SLC26A11: variants seen among roughly 807,000 people sequenced by gnomAD.
SLC26A11 encodes the protein sodium-independent sulfate anion transporter.
A neutral mutation model predicts 62.2 loss-of-function variants in SLC26A11; 58 were observed. That is an observed-to-expected ratio of 0.93 (90% confidence interval 0.76 to 1.16). SLC26A11 has a LOEUF of 1.16. Among genes scored for constraint, SLC26A11 ranks in the 50% most tolerant of loss-of-function variants. SLC26A11 has a pLI of 0.00. For missense variants in SLC26A11, 790 were observed against 794.3 expected, an observed-to-expected ratio of 0.99 and a Z score of 0.06; for synonymous variants, 411 against 368.9, an observed-to-expected ratio of 1.11 and a Z score of -1.31.
At chr17:80,231,816 A>T (rs1283271691) in intron 7 of SLC26A11, among the ~76,000 whole-genome samples, 1 of 152,140 alleles carries the variant, frequency 6.6e-6, no homozygotes, top group African/African-American at 2.4e-5. Flanking sequence ...TAGTGATTTA[A>T]ATCTGTTTTC....
At chr17:80,237,264 G>T in intron 8 of SLC26A11, 161 bp downstream of exon 8, 2 of 954,330 alleles carry the variant, frequency 2.1e-6, no homozygotes, top group South Asian at 3.5e-5. Flanking sequence ...ATCCCAGGTT[G>T]GATGCAAACT....
chr17:80,223,237 C>T lies in SLC26A11; in HGVS notation c.428-15C>T, dbSNP rs990493290. 6.2e-7 allele frequency: 1 copy of T among 1,613,400 alleles called. No homozygotes were observed. The highest frequency in any genetic ancestry group is 8.5e-7 in the Non-Finnish European group (1 of 1,179,472). ...GGAGCCGGGACCAGCTCGATGTCCC[C>T]TCTTGGCTGGCCAGGGTTCCTGCTG... On this transcript the variant is annotated splice_polypyrimidine_tract_variant and intron_variant, in intron 4 of 17. Transcript: ENST00000361193. This position sits in a 1 kb window ranked among gnomAD's most constrained non-coding sequence, Gnocchi z 4.6.
intron 7 of SLC26A11, among the ~76,000 whole-genome samples, chr17:80,230,318 A>C (rs183118873): frequency 1.3e-3 from 192 of 152,242 alleles, no homozygotes; most frequent in Middle Eastern, 0.01. Flanking sequence ...AGACAGCGAA[A>C]GGCTCAGGAA....
At chr17:80,251,852 T>C (rs1294690733) in intron 17 of SLC26A11, among the ~76,000 whole-genome samples, 2 of 151,862 alleles carry the variant, frequency 1.3e-5, no homozygotes, top group Non-Finnish European at 2.9e-5. Context: ...AACACGCATA[T>C]GTACCTGCCT....
chr17:80,252,722 C>A lies in SLC26A11; in HGVS notation c.*6C>A. 1 of 1,612,072 alleles carries A rather than the reference C, an allele frequency of 6.2e-7. No homozygotes were observed. The highest frequency in any genetic ancestry group is 8.5e-7 in the Non-Finnish European group (1 of 1,179,098). ...TTGCCCTGCTCAAGGCATAATGGGG[C>A]CACCCGTGGGCATCCACAGTTTGCA... On this transcript the variant is annotated 3_prime_UTR_variant, in exon 18 of 18. Coordinates refer to ENST00000361193, the MANE Select transcript of SLC26A11 (RefSeq NM_001166347.2). This position sits in a 1 kb window ranked among gnomAD's most constrained non-coding sequence, Gnocchi z 5.2.
At chr17:80,241,059 A>G (rs1264519272) in intron 9 of SLC26A11, among the ~76,000 whole-genome samples, 1 of 149,736 alleles carries the variant, frequency 6.7e-6, no homozygotes, top group East Asian at 2.0e-4. Context: ...GAGCTGTGAT[A>G]GTGCCACTGC....
At chr17:80,224,264 CGT>C (rs898416000) in intron 5 of SLC26A11, among the ~76,000 whole-genome samples, 7 of 124,984 alleles carry the variant, frequency 5.6e-5, no homozygotes, top group African/African-American at 1.5e-4. Flanking sequence ...TGAGTGTGTG[CGT>C]GTGTGAGTGA....
intron 8 of SLC26A11, 198 bp from the exon 9 acceptor site, chr17:80,237,324 T>C (rs1434091327): frequency 1.2e-5 from 9 of 748,314 alleles, no homozygotes; most frequent in Non-Finnish European, 1.9e-5. Flanking sequence ...TTCTCCTGTT[T>C]TGGACTCCAG....
chr17:80,225,674 G>A, intron 5 of SLC26A11, 163 bp from the exon 6 acceptor site: 2 of 646,528 alleles, frequency 3.1e-6, no homozygotes, highest in Non-Finnish European at 2.8e-6. Context: ...GTTGGGAGTG[G>A]GCAGGTGGAC....
At position 80,223,618 on chromosome 17, in the gene SLC26A11, A is replaced by G. The variant is rs1321084557; in HGVS notation, c.513+281A>G. 1.3e-5 allele frequency among the ~76,000 whole-genome samples: 2 copies of G among 152,090 alleles called. No individual in the cohort carries two copies. The highest frequency in any genetic ancestry group is 2.9e-5 in the Non-Finnish European group (2 of 68,008). On this transcript the variant is annotated intron_variant, in intron 5 of 17. Transcript: ENST00000361193. The surrounding 1 kb of genome is among the most constrained non-coding windows in gnomAD (Gnocchi z 4.6). Reference sequence around the variant, plus strand: ...CTGCTCTTGCCCGAGTTTCCGTGCCAGTGTGCTTGGCTGGCTCTGTGACGT... The same window carrying G: ...CTGCTCTTGCCCGAGTTTCCGTGCCGGTGTGCTTGGCTGGCTCTGTGACGT...
At chr17:80,249,378 T>C (rs1412328258) in intron 16 of SLC26A11, 91 bp downstream of exon 16, 5 of 1,521,108 alleles carry the variant, frequency 3.3e-6, no homozygotes, top group Non-Finnish European at 4.4e-6. Context: ...ATCTCTGGGC[T>C]GTGATGCTGG....
chr17:80,233,064 A>G (rs1212515245), intron 7 of SLC26A11, among the ~76,000 whole-genome samples: 1 of 152,154 alleles, frequency 6.6e-6, no homozygotes, highest in Non-Finnish European at 1.5e-5. Context: ...CCTGGGCAAC[A>G]TGGCGAAACC....
intron 8 of SLC26A11, 104 bp downstream of exon 8, chr17:80,237,207 G>T (rs894720141): frequency 1.2e-4 from 159 of 1,366,958 alleles, no homozygotes; most frequent in Non-Finnish European, 1.5e-4. Context: ...TCTGAGGTCA[G>T]TTAGGACAGC....
intron 17 of SLC26A11, among the ~76,000 whole-genome samples, chr17:80,251,853 G>A (rs191879551): frequency 3.4e-4 from 51 of 152,110 alleles, no homozygotes; most frequent in African/African-American, 1.2e-3. Flanking sequence ...ACACGCATAT[G>A]TACCTGCCTG....
intron 10 of SLC26A11, among the ~76,000 whole-genome samples, chr17:80,244,220 C>T (rs1167135830): frequency 6.6e-6 from 1 of 152,180 alleles, no homozygotes; most frequent in Non-Finnish European, 1.5e-5. Context: ...CTGGTGGGAG[C>T]GTGGGTCAAC....
At chr17:80,249,847 G>A (rs952753221) in intron 16 of SLC26A11, among the ~76,000 whole-genome samples, 1 of 151,902 alleles carries the variant, frequency 6.6e-6, no homozygotes, top group Non-Finnish European at 1.5e-5. Flanking sequence ...GGAGGTTGCA[G>A]TAAGCCGAGA....
chr17:80,249,734 C>T (rs529574226), intron 16 of SLC26A11, among the ~76,000 whole-genome samples: 40 of 148,736 alleles, frequency 2.7e-4, no homozygotes, highest in Middle Eastern at 3.4e-3. Flanking sequence ...GGTGAAACCC[C>T]GTCTCTACTA....
rs1253336567 is a variant in SLC26A11 at position 80,228,550 on chromosome 17, CT to C, written c.736+591del. Among the ~76,000 whole-genome samples the C allele has an allele frequency of 6.6e-6, 1 of 152,242 alleles. No homozygotes were observed. The highest frequency in any genetic ancestry group is 1.5e-5 in the Non-Finnish European group (1 of 68,040). On this transcript the variant is annotated intron_variant, in intron 7 of 17. Coordinates refer to ENST00000361193, the MANE Select transcript of SLC26A11 (RefSeq NM_001166347.2). This position sits in a 1 kb window ranked among gnomAD's most constrained non-coding sequence, Gnocchi z 4.1. ...TCTCAACCTGAAGCAGTTTTGCCCC[CT>C]GGTGACACGTGGCAATGTTGGGAAA... is the stretch of plus-strand genomic sequence containing the variant.
intron 7 of SLC26A11, among the ~76,000 whole-genome samples, chr17:80,230,383 C>T (rs1342904682): frequency 1.3e-5 from 2 of 151,980 alleles, no homozygotes; most frequent in African/African-American, 2.4e-5. Flanking sequence ...CAGCATGCCA[C>T]GTAGGGCCAT....
Sources: gnomAD v4.1 joint callset for allele counts (sites outside exome capture counted in the v4.1 genomes callset) on GRCh38, gnomAD v4.1.1 for gene constraint, Gnocchi (gnomAD v3.1) non-coding constraint, MANE v1.5 for transcripts, NCBI Gene and HGNC (gene_info 2026-07-23, HGNC 2026-07-21) for gene names.